ABTB3: variants seen among roughly 807,000 people sequenced by gnomAD.
ABTB3 encodes the protein ankyrin repeat- and BTB/POZ domain-containing protein 3.
the ABTB3 span, among the ~76,000 whole-genome samples, chr12:107,440,689 C>T: frequency 3.3e-5 from 5 of 152,050 alleles, 1 homozygote; most frequent in South Asian, 4.2e-4. Context: ...CAGGAACCTA[C>T]GTGTCACATG....
chr12:107,532,728 A>T, the ABTB3 span, among the ~76,000 whole-genome samples: 1 of 152,202 alleles, frequency 6.6e-6, no homozygotes, highest in South Asian at 2.1e-4. Context: ...TTATAGTCAA[A>T]CTGTCAAATG....
the ABTB3 span, among the ~76,000 whole-genome samples, chr12:107,503,756 C>CAAAAAAAAAAAAAAA: frequency 3.7e-4 from 26 of 70,722 alleles, no homozygotes; most frequent in African/African-American, 1.0e-3. Context: ...GACCCTATCT[C>CAAAAAAAAAAAAAAA]AAAAAAAAAA....
At chr12:107,529,963 G>T in the ABTB3 span, among the ~76,000 whole-genome samples, 1 of 152,216 alleles carries the variant, frequency 6.6e-6, no homozygotes, top group Non-Finnish European at 1.5e-5. Context: ...AGCAGGCTTT[G>T]CAGGTATATA....
the ABTB3 span, among the ~76,000 whole-genome samples, chr12:107,403,889 G>T: frequency 1.3e-5 from 2 of 152,076 alleles, no homozygotes; most frequent in Admixed American, 6.5e-5. Context: ...ATGGCCGGGC[G>T]CGGTGGCTCA....
chr12:107,363,735 C>T, the ABTB3 span, among the ~76,000 whole-genome samples: 5 of 151,982 alleles, frequency 3.3e-5, no homozygotes, highest in African/African-American at 4.8e-5. Context: ...AATTACATGT[C>T]GTGATAATTT....
the ABTB3 span, among the ~76,000 whole-genome samples, chr12:107,394,811 C>T: frequency 0.025 from 3,772 of 152,324 alleles, 58 homozygotes; most frequent in African/African-American, 0.032. Context: ...TTATGATCAT[C>T]ACCACCAAAA....
chr12:107,543,876 A>G, the ABTB3 span: 113 of 1,474,140 alleles, frequency 7.7e-5, 5 homozygotes, highest in Middle Eastern at 1.1e-3. Flanking sequence ...ATCTTCAGGT[A>G]CAGTTTCTCT....
the ABTB3 span, among the ~76,000 whole-genome samples, chr12:107,422,117 G>C: frequency 6.6e-6 from 1 of 152,204 alleles, no homozygotes; most frequent in Non-Finnish European, 1.5e-5. Flanking sequence ...TAGTCAAGGA[G>C]GGGTCTCGAG....
the ABTB3 span, chr12:107,619,971 C>A: frequency 6.3e-7 from 1 of 1,588,866 alleles, no homozygotes; most frequent in Non-Finnish European, 8.6e-7. Context: ...TCCCTGGCTC[C>A]TCTCCCCGCT....
At chr12:107,319,736 T>C in the ABTB3 span, 34 of 1,526,616 alleles carry the variant, frequency 2.2e-5, no homozygotes, top group Non-Finnish European at 2.9e-5. Flanking sequence ...TGGCCCTGGG[T>C]CAGGCTCGGG....
chr12:107,559,576 C>G, the ABTB3 span, among the ~76,000 whole-genome samples: 1 of 152,144 alleles, frequency 6.6e-6, no homozygotes, highest in Non-Finnish European at 1.5e-5. Context: ...CTTTTTTTAT[C>G]CTTTCAGAAA....
chr12:107,656,773 C>T, the ABTB3 span, among the ~76,000 whole-genome samples: 2 of 152,180 alleles, frequency 1.3e-5, no homozygotes, highest in East Asian at 3.8e-4. Flanking sequence ...GCTGTGTCCT[C>T]AGAATCAGAT....
the ABTB3 span, among the ~76,000 whole-genome samples, chr12:107,427,793 A>T: frequency 6.6e-6 from 1 of 152,222 alleles, no homozygotes; most frequent in Non-Finnish European, 1.5e-5. Context: ...GCTTATGATC[A>T]AAGTTTAATG....
chr12:107,573,599 G>A, the ABTB3 span, among the ~76,000 whole-genome samples: 1 of 152,150 alleles, frequency 6.6e-6, no homozygotes, highest in African/African-American at 2.4e-5. Flanking sequence ...TCTCTGGAGA[G>A]CCCTGGCTAA....
chr12:107,623,941 G>A, the ABTB3 span, among the ~76,000 whole-genome samples: 3 of 152,298 alleles, frequency 2.0e-5, no homozygotes, highest in East Asian at 5.8e-4. Context: ...CCCTGAGAAA[G>A]TGGCATTTGA....
At chr12:107,454,294 G>T in the ABTB3 span, among the ~76,000 whole-genome samples, 1 of 152,212 alleles carries the variant, frequency 6.6e-6, no homozygotes, top group Non-Finnish European at 1.5e-5. Context: ...AAATGAGAAG[G>T]TGAGGCCCCT....
the ABTB3 span, among the ~76,000 whole-genome samples, chr12:107,576,834 G>A: frequency 6.6e-6 from 1 of 152,226 alleles, no homozygotes; most frequent in Admixed American, 6.5e-5. Flanking sequence ...CTCTGGATAT[G>A]CCTGTGGCTC....
chr12:107,492,239 C>A, the ABTB3 span, among the ~76,000 whole-genome samples: 1 of 152,152 alleles, frequency 6.6e-6, no homozygotes, highest in African/African-American at 2.4e-5. Context: ...CGGTCCCGGG[C>A]CTGTCAGGCT....
chr12:107,470,187 C>T, the ABTB3 span, among the ~76,000 whole-genome samples: 1 of 151,588 alleles, frequency 6.6e-6, no homozygotes, highest in South Asian at 2.1e-4. Flanking sequence ...TACAGGCGTG[C>T]ATGGCCATAC....
Sources: allele counts gnomAD v4.1 joint callset (sites outside exome capture counted in the v4.1 genomes callset), GRCh38; gene constraint gnomAD v4.1.1; transcripts MANE v1.5; gene names NCBI Gene and HGNC (gene_info 2026-07-23, HGNC 2026-07-21).